TMEM272: variants seen among roughly 807,000 people sequenced by gnomAD.
TMEM272 encodes transmembrane protein 272, also known as long intergenic non-protein coding RNA 282.
Under a neutral mutation model 3.7 loss-of-function variants are expected in TMEM272, and 8 were observed. The observed-to-expected ratio is 2.17, with a 90% CI of 1.27 to 3.91. The LOEUF (loss-of-function observed/expected upper bound fraction) is 3.91, where lower values mean the gene tolerates loss of function less well. TMEM272 is among the 30% of genes most tolerant of loss of function. The probability of loss-of-function intolerance (pLI) is 0.00; values close to 1 mark genes in which losing one functional copy is unlikely to be tolerated. For missense variants in TMEM272, 166 were observed against 91.5 expected (o/e 1.81, Z -3.32); for synonymous variants, 63 against 39.8 (o/e 1.58, Z -2.20).
At chr13:51,845,995 A>G (rs1428920809), upstream of TMEM272, among the ~76,000 whole-genome samples, 4 of 152,218 alleles carry the variant, frequency 2.6e-5, no homozygotes, top group Admixed American at 2.6e-4. Flanking sequence ...AGGCCAGTCT[A>G]CTGGGGAGGG....
At chr13:51,922,090 G>A in the TMEM272 span, among the ~76,000 whole-genome samples, 1 of 152,220 alleles carries the variant, frequency 6.6e-6, no homozygotes, top group African/African-American at 2.4e-5. Flanking sequence ...GGCCTCTTGA[G>A]CAGGGAGTGT....
intron 1 of TMEM272, among the ~76,000 whole-genome samples, chr13:51,840,815 T>C (rs1006746172): frequency 3.9e-5 from 6 of 152,240 alleles, no homozygotes; most frequent in Admixed American, 2.6e-4. Context: ...GTGGCTGTGA[T>C]GTCCTTATAC....
At chr13:51,929,412 C>T in the TMEM272 span, among the ~76,000 whole-genome samples, 516 of 152,300 alleles carry the variant, frequency 3.4e-3, 5 homozygotes, top group Middle Eastern at 6.8e-3. Flanking sequence ...TCATGCTCTT[C>T]CCCTTCTCCC....
chr13:51,924,462 T>C, the TMEM272 span, among the ~76,000 whole-genome samples: 1 of 152,284 alleles, frequency 6.6e-6, no homozygotes. Context: ...GGTCTGTTGA[T>C]GGTCTCCACA....
the TMEM272 span, among the ~76,000 whole-genome samples, chr13:51,861,615 C>G: frequency 6.6e-6 from 1 of 152,224 alleles, no homozygotes; most frequent in East Asian, 1.9e-4. Context: ...GGGGGACACA[C>G]TCACGCTACT....
the TMEM272 span, among the ~76,000 whole-genome samples, chr13:51,928,731 G>A: frequency 6.6e-6 from 1 of 152,188 alleles, no homozygotes; most frequent in Admixed American, 6.5e-5. Context: ...TATTTTCTAA[G>A]CTACCAGGGT....
the TMEM272 span, among the ~76,000 whole-genome samples, chr13:51,924,657 G>T: frequency 2.0e-5 from 3 of 152,066 alleles, no homozygotes; most frequent in Admixed American, 1.3e-4. Context: ...GCTTCCTTCC[G>T]TCCTGCCTGA....
At chr13:51,833,427 G>A (rs997929380) in intron 2 of TMEM272, among the ~76,000 whole-genome samples, 9 of 152,186 alleles carry the variant, frequency 5.9e-5, no homozygotes, top group African/African-American at 2.2e-4. Context: ...GAGGACTAAA[G>A]GGGGTGGCTC....
intron 1 of TMEM272, among the ~76,000 whole-genome samples, chr13:51,839,876 G>C (rs1196711529): frequency 6.6e-6 from 1 of 152,198 alleles, no homozygotes; most frequent in East Asian, 1.9e-4. Flanking sequence ...GAGACTCGGG[G>C]TTCTTATTTC....
chr13:51,829,497 T>C (rs1956154498), intron 2 of TMEM272, among the ~76,000 whole-genome samples: 1 of 152,212 alleles, frequency 6.6e-6, no homozygotes, highest in South Asian at 2.1e-4. Flanking sequence ...TCAGTTAATC[T>C]AGCCACATTT....
At chr13:51,929,701 G>C in the TMEM272 span, among the ~76,000 whole-genome samples, 1 of 152,256 alleles carries the variant, frequency 6.6e-6, no homozygotes, top group African/African-American at 2.4e-5. Context: ...TTTAGTGCCA[G>C]TGCCAAATGG....
chr13:51,823,805 T>C (rs774091390), intron 3 of TMEM272, among the ~76,000 whole-genome samples: 16 of 152,234 alleles, frequency 1.1e-4, no homozygotes, highest in Non-Finnish European at 2.2e-4. Context: ...TACACCATAT[T>C]CCATTGAAAT....
At chr13:51,828,689 T>C (rs1458967610) in intron 2 of TMEM272, among the ~76,000 whole-genome samples, 1 of 152,146 alleles carries the variant, frequency 6.6e-6, no homozygotes, top group Non-Finnish European at 1.5e-5. Context: ...CTCGAAATCG[T>C]GTATTGTAAG....
chr13:51,844,719 C>G (rs575694501), intron 1 of TMEM272, among the ~76,000 whole-genome samples: 3 of 152,194 alleles, frequency 2.0e-5, no homozygotes, highest in Non-Finnish European at 4.4e-5. Context: ...GTGGTCCCCA[C>G]TCGCTGTCCT....
At chr13:51,918,447 TAAAA>T in the TMEM272 span, among the ~76,000 whole-genome samples, 1 of 151,556 alleles carries the variant, frequency 6.6e-6, no homozygotes, top group Non-Finnish European at 1.5e-5. Flanking sequence ...CTTCAGCAAA[TAAAA>T]AAGAGAAAAA....
the TMEM272 span, among the ~76,000 whole-genome samples, chr13:51,917,100 T>G: frequency 6.6e-6 from 1 of 152,226 alleles, no homozygotes; most frequent in Non-Finnish European, 1.5e-5. Context: ...ACCATGAATA[T>G]GACTTATGGG....
chr13:51,875,394 A>G, the TMEM272 span, among the ~76,000 whole-genome samples: 4 of 152,178 alleles, frequency 2.6e-5, no homozygotes, highest in Non-Finnish European at 5.9e-5. Flanking sequence ...TAAAGCAGCT[A>G]AAGTAGGAAG....
chr13:51,830,415 G>A (rs530104475), intron 2 of TMEM272, among the ~76,000 whole-genome samples: 1 of 152,178 alleles, frequency 6.6e-6, no homozygotes, highest in Non-Finnish European at 1.5e-5. Context: ...AGCCCACTCC[G>A]CTCCTCATTA....
intron 2 of TMEM272, among the ~76,000 whole-genome samples, chr13:51,835,490 C>T (rs942153849): frequency 3.9e-5 from 6 of 152,172 alleles, no homozygotes; most frequent in African/African-American, 1.4e-4. Context: ...TCCCAAAGTG[C>T]TGGGATTACA....
Sources: allele counts gnomAD v4.1 joint callset (sites outside exome capture counted in the v4.1 genomes callset), GRCh38; gene constraint gnomAD v4.1.1; transcripts MANE v1.5; gene names NCBI Gene and HGNC (gene_info 2026-07-23, HGNC 2026-07-21).